The following WDR25 variants were observed in gnomAD, a reference collection of about 807,000 sequenced individuals.
The protein encoded by WDR25 is WD repeat domain 25, also known as WD repeat-containing protein 25.
A neutral mutation model predicts 47.7 loss-of-function variants in WDR25; 35 were observed. That is an observed-to-expected ratio of 0.73 (90% confidence interval 0.56 to 0.97). The LOEUF is 0.97. Among genes scored for constraint, WDR25 ranks in the 50% least tolerant of loss-of-function variants. The pLI is 0.00. For synonymous variants in WDR25, 248 were observed against 278.9 expected, an observed-to-expected ratio of 0.89 and a Z score of 1.10; for missense variants, 634 against 704.7, an observed-to-expected ratio of 0.90 and a Z score of 1.14.
Position 100,411,026 on chromosome 14 carries a change from G to C in WDR25, c.822+29280G>C, listed in dbSNP as rs369411850. On this transcript the variant is annotated intron_variant, in intron 2 of 6. Transcript: ENST00000402312. ...TGGAACTCCTGAGCTCAAGCAATCC[G>C]CCCGCCTCAGCCTCCCAAAGTACTG... Among the ~76,000 whole-genome samples, 45 of 152,060 alleles carry C rather than the reference G, an allele frequency of 3.0e-4. 1 individual carries two copies. In the East Asian group the frequency reaches 8.0e-3, roughly 27 times the overall value.
rs903380144 is a variant in WDR25 at position 100,424,561 on chromosome 14, G to A, written c.822+42815G>A. 6.6e-6 allele frequency among the ~76,000 whole-genome samples: 1 copy of A among 152,196 alleles called. No individual in the cohort carries two copies. The highest frequency in any genetic ancestry group is 2.4e-5 in the African/African-American group (1 of 41,440). On this transcript the variant is annotated intron_variant, in intron 2 of 6. Transcript: ENST00000402312. This position sits in a 1 kb window ranked among gnomAD's most constrained non-coding sequence, Gnocchi z 4.2. ...GTGACATGCCTGTGCTCAGCCAAGG[G>A]GTTTAACTGCCTGTGGAGTCTGGGG...
chr14:100,516,942 T>G (rs1901517688), intron 4 of WDR25, among the ~76,000 whole-genome samples: 1 of 151,442 alleles, frequency 6.6e-6, no homozygotes, highest in South Asian at 2.1e-4. Flanking sequence ...TTTTTTTTTT[T>G]TTAAAGGAGA....
intron 2 of WDR25, among the ~76,000 whole-genome samples, chr14:100,422,392 G>C (rs1221707629): frequency 6.6e-6 from 1 of 152,178 alleles, no homozygotes; most frequent in Admixed American, 6.5e-5. Context: ...AGCCTCAAAG[G>C]CAGGCAGCAT....
At chr14:100,475,711 A>T (rs191629159) in intron 3 of WDR25, among the ~76,000 whole-genome samples, 1 of 152,306 alleles carries the variant, frequency 6.6e-6, no homozygotes, top group East Asian at 1.9e-4. Context: ...TTGGTGATCT[A>T]TTGCACTGCA....
intron 2 of WDR25, among the ~76,000 whole-genome samples, chr14:100,395,266 C>G (rs1214658048): frequency 6.6e-6 from 1 of 152,186 alleles, no homozygotes; most frequent in Non-Finnish European, 1.5e-5. Context: ...TTCTGTGTGG[C>G]TTAGGGTAAG....
intron 2 of WDR25, among the ~76,000 whole-genome samples, chr14:100,467,043 A>G (rs887596383): frequency 7.2e-5 from 11 of 152,322 alleles, no homozygotes; most frequent in African/African-American, 2.4e-4. Context: ...TTCAGAAGTC[A>G]TTGAGTGTAA....
At position 100,428,188 on chromosome 14, in the gene WDR25, C is replaced by A. The variant is rs8007756; in HGVS notation, c.823-39833C>A. The stretch of plus-strand genomic sequence containing the variant: ...CTCCGACCGAAGCGTTGGCACTGAC[C>A]CGTCTAGAATTCTGTGTGCGGAGTG... On this transcript the variant is annotated intron_variant, in intron 2 of 6. Coordinates refer to ENST00000402312, the MANE Select transcript of WDR25 (RefSeq NM_001161476.3). This position sits in a 1 kb window ranked among gnomAD's most constrained non-coding sequence, Gnocchi z 4.3. Among the ~76,000 whole-genome samples, 9,736 of 152,262 alleles carry A rather than the reference C, an allele frequency of 0.064. 763 individuals are homozygous for A. The highest frequency in any genetic ancestry group is 0.19 in the African/African-American group (7,858 of 41,514).
At chr14:100,385,612 G>A (rs1486689507) in intron 2 of WDR25, among the ~76,000 whole-genome samples, 7 of 152,106 alleles carry the variant, frequency 4.6e-5, no homozygotes, top group Admixed American at 2.0e-4. Flanking sequence ...TATTAGTTTT[G>A]AAAAATTTAC....
intron 2 of WDR25, among the ~76,000 whole-genome samples, chr14:100,398,771 G>A (rs1033432085): frequency 6.7e-6 from 1 of 148,782 alleles, no homozygotes; most frequent in African/African-American, 2.5e-5. Flanking sequence ...TTGTTTTTTT[G>A]GGGGGTGGAC....
chr14:100,416,348 T>C (rs573609874), intron 2 of WDR25, among the ~76,000 whole-genome samples: 11 of 152,204 alleles, frequency 7.2e-5, no homozygotes, highest in South Asian at 2.1e-4. Context: ...CAACTCTGAT[T>C]GTCATTCCTT....
intron 2 of WDR25, among the ~76,000 whole-genome samples, chr14:100,433,783 C>G (rs891172384): frequency 3.9e-5 from 6 of 152,166 alleles, no homozygotes; most frequent in Non-Finnish European, 8.8e-5. Context: ...TCTCTTCACG[C>G]TAGCTGCTGT....
At chr14:100,385,522 A>G (rs1307166103) in intron 2 of WDR25, among the ~76,000 whole-genome samples, 1 of 152,238 alleles carries the variant, frequency 6.6e-6, no homozygotes, top group African/African-American at 2.4e-5. Flanking sequence ...GAATTCATAC[A>G]TTTCAACTGG....
intron 4 of WDR25, among the ~76,000 whole-genome samples, chr14:100,522,320 T>C (rs2029898789): frequency 6.6e-6 from 1 of 152,230 alleles, no homozygotes. Flanking sequence ...CTGGGAAAGT[T>C]TTCCCTAGTC....
At chr14:100,483,871 C>T in intron 3 of WDR25, 123 bp from the exon 4 acceptor site, 2 of 1,220,362 alleles carry the variant, frequency 1.6e-6, no homozygotes, top group Non-Finnish European at 2.2e-6. Flanking sequence ...GTCCATTGGG[C>T]TACATCGGGC....
chr14:100,476,039 T>C (rs1178887489), intron 3 of WDR25, among the ~76,000 whole-genome samples: 2 of 152,264 alleles, frequency 1.3e-5, no homozygotes, highest in Non-Finnish European at 2.9e-5. Context: ...ACTACTATTA[T>C]TACAATGCTA....
chr14:100,451,898 G>C (rs1355434592), intron 2 of WDR25, among the ~76,000 whole-genome samples: 1 of 152,118 alleles, frequency 6.6e-6, no homozygotes, highest in Non-Finnish European at 1.5e-5. Context: ...TAAATAAATT[G>C]GGTAATGTTA....
intron 2 of WDR25, among the ~76,000 whole-genome samples, chr14:100,415,406 A>G (rs998357488): frequency 1.3e-5 from 2 of 152,180 alleles, no homozygotes; most frequent in Non-Finnish European, 2.9e-5. Context: ...TACCTGCACA[A>G]TTCTCCATGG....
intron 1 of WDR25, chr14:100,376,952 C>A: frequency 4.6e-6 from 1 of 217,352 alleles, no homozygotes; most frequent in Non-Finnish European, 8.4e-6. Context: ...AAAGTCCTGT[C>A]CTCATGGGGC....
At chr14:100,515,362 T>A (rs959711142) in intron 4 of WDR25, among the ~76,000 whole-genome samples, 1 of 151,786 alleles carries the variant, frequency 6.6e-6, no homozygotes, top group Non-Finnish European at 1.5e-5. Flanking sequence ...TCTCCCTGTC[T>A]CACTTACATT....
Sources: allele counts gnomAD v4.1 joint callset (sites outside exome capture counted in the v4.1 genomes callset), GRCh38; gene constraint gnomAD v4.1.1; non-coding constraint Gnocchi (gnomAD v3.1); transcripts MANE v1.5; gene names NCBI Gene and HGNC (gene_info 2026-07-23, HGNC 2026-07-21).